FUT8: variants seen among roughly 807,000 people sequenced by gnomAD.
FUT8 encodes the protein alpha-(1,6)-fucosyltransferase.
In FUT8, 29 loss-of-function variants were observed where a neutral mutation model predicts 71.3. The ratio of observed to expected loss-of-function variants is 0.41; its 90% CI spans 0.30 to 0.55. The LOEUF (loss-of-function observed/expected upper bound fraction) is 0.55, where lower values mean the gene tolerates loss of function less well. Ranked by LOEUF, FUT8 falls within the 20% of genes least tolerant of loss-of-function variation. FUT8 has a pLI of 0.34. For synonymous variants in FUT8, 254 were observed against 239.3 expected, an observed-to-expected ratio of 1.06 and a Z score of -0.57; for missense variants, 544 against 702.1, an observed-to-expected ratio of 0.77 and a Z score of 2.55.
intron 1 of FUT8, among the ~76,000 whole-genome samples, chr14:65,416,700 C>T (rs541600560): frequency 9.9e-5 from 15 of 151,348 alleles, no homozygotes; most frequent in African/African-American, 3.6e-4. Flanking sequence ...TTTAAAGAAC[C>T]TGTAAAAAAA....
intron 7 of FUT8, among the ~76,000 whole-genome samples, chr14:65,685,530 A>T (rs747535852): frequency 2.0e-5 from 3 of 152,224 alleles, no homozygotes; most frequent in Non-Finnish European, 4.4e-5. Context: ...AATTTGGGGC[A>T]AGTCCATAGA....
In FUT8 at chr14:65,661,596, C is replaced by G. The variant is rs1339758096; in HGVS notation, c.598-7647C>G. On this transcript the variant is annotated intron_variant, in intron 6 of 10. Transcript: ENST00000673929. ...CTGGAAAATTTGTACTCTGAAGTTG[C>G]TTTTATTGGTGTGTAGGAAAAATCT... Among the ~76,000 whole-genome samples, 5 of 152,000 alleles carry G rather than the reference C, an allele frequency of 3.3e-5. No individual in the cohort carries two copies. In the South Asian group the frequency reaches 6.2e-4, roughly 19 times the overall value.
At chr14:65,523,448 A>G (rs571777792) in intron 2 of FUT8, among the ~76,000 whole-genome samples, 81 of 151,942 alleles carry the variant, frequency 5.3e-4, no homozygotes, top group African/African-American at 1.7e-3. Context: ...AAATTTGTTT[A>G]AGTTCTTTGT....
chr14:65,396,040 A>G, the FUT8 span, among the ~76,000 whole-genome samples: 9 of 152,354 alleles, frequency 5.9e-5, no homozygotes, highest in African/African-American at 2.2e-4. The surrounding 1 kb of genome is among the most constrained non-coding windows in gnomAD (Gnocchi z 5.5). Context: ...AGCAAGAGTC[A>G]TCTTTACTTC....
At chr14:65,593,102 T>C (rs897551042) in intron 3 of FUT8, among the ~76,000 whole-genome samples, 7 of 152,204 alleles carry the variant, frequency 4.6e-5, no homozygotes, top group African/African-American at 1.7e-4. Context: ...ATGATGTTTA[T>C]AATCCCCAAC....
intron 7 of FUT8, among the ~76,000 whole-genome samples, chr14:65,712,974 C>A (rs936425281): frequency 3.3e-5 from 5 of 152,126 alleles, no homozygotes; most frequent in African/African-American, 1.2e-4. Flanking sequence ...ACTGTAGTCA[C>A]CCTGCTGTGC....
chr14:65,698,342 A>G (rs1351181391), intron 7 of FUT8, among the ~76,000 whole-genome samples: 1 of 152,228 alleles, frequency 6.6e-6, no homozygotes, highest in African/African-American at 2.4e-5. Context: ...AGTGTACAGT[A>G]AAATAATAAA....
the FUT8 span, among the ~76,000 whole-genome samples, chr14:65,374,088 G>T: frequency 1.1e-4 from 16 of 152,292 alleles, no homozygotes; most frequent in South Asian, 3.1e-3. Flanking sequence ...TCTCAGACTC[G>T]TTGATCTGTT....
the FUT8 span, among the ~76,000 whole-genome samples, chr14:65,399,707 TTAAAA>T: frequency 6.6e-6 from 1 of 152,332 alleles, no homozygotes; most frequent in African/African-American, 2.4e-5. Flanking sequence ...TTCTTCATCT[TTAAAA>T]TAAGGCCAAG....
chr14:65,406,606 G>A (rs1309370036), upstream of FUT8, among the ~76,000 whole-genome samples: 1 of 152,116 alleles, frequency 6.6e-6, no homozygotes, highest in Non-Finnish European at 1.5e-5. Flanking sequence ...CATAATCTCG[G>A]CTCACTGCAA....
At chr14:65,528,059 A>C (rs184473964) in intron 2 of FUT8, among the ~76,000 whole-genome samples, 1 of 152,332 alleles carries the variant, frequency 6.6e-6, no homozygotes, top group African/African-American at 2.4e-5. Context: ...TGGGAGAACC[A>C]CTACTCTCTT....
rs199534978 is a variant in FUT8 at position 65,609,310 on chromosome 14, AT to A, written c.204-6663del. On this transcript the variant is annotated intron_variant, in intron 3 of 10. Transcript: ENST00000673929. Reference sequence around the variant, plus strand: ...ACTCTGTCTCAAAAAAAAAAAAAAAATTTTTCCTCTAGTCTGTGGGTTATCT... The same window carrying A: ...ACTCTGTCTCAAAAAAAAAAAAAAAATTTTCCTCTAGTCTGTGGGTTATCT... 6.2e-4 allele frequency among the ~76,000 whole-genome samples: 93 copies of A among 149,584 alleles called. 1 individual carries two copies. The highest frequency in any genetic ancestry group is 3.4e-3 in the Middle Eastern group (1 of 290).
At chr14:65,380,554 C>T in the FUT8 span, among the ~76,000 whole-genome samples, 5 of 152,196 alleles carry the variant, frequency 3.3e-5, no homozygotes, top group Non-Finnish European at 7.3e-5. Context: ...GTTCAATATT[C>T]ACGCTGTGGA....
intron 3 of FUT8, among the ~76,000 whole-genome samples, chr14:65,608,063 C>CAAAA (rs35942953): frequency 2.8e-5 from 3 of 108,588 alleles, no homozygotes; most frequent in East Asian, 2.5e-4. Flanking sequence ...GACTCCGTCT[C>CAAAA]AAAAAAAAAA....
intron 1 of FUT8, among the ~76,000 whole-genome samples, chr14:65,454,752 C>T (rs1336025757): frequency 6.6e-6 from 1 of 152,166 alleles, no homozygotes; most frequent in Non-Finnish European, 1.5e-5. Context: ...GGTTTTTGTA[C>T]TTGGTGACTT....
chr14:65,555,888 A>G lies in FUT8; in HGVS notation c.-227-5449A>G, dbSNP rs545891031. ...TACCTCTGGTATTAGTATAAAACCA[A>G]TAATTGTAATTGTATCTGTTAAATC... is the stretch of plus-strand genomic sequence containing the variant. On this transcript the variant is annotated intron_variant, in intron 2 of 10. Transcript: ENST00000673929. Among the ~76,000 whole-genome samples the G allele has an allele frequency of 3.5e-3, 531 of 152,332 alleles. 2 individuals are homozygous for G. Among genetic ancestry groups the G allele is most frequent in the African/African-American group, 0.012 (504 of 41,578 alleles).
rs118098377 is a variant in FUT8, at chr14:65,612,231, C to A, written c.204-3747C>A. 3.3e-3 allele frequency among the ~76,000 whole-genome samples: 495 copies of A among 152,076 alleles called. 3 individuals are homozygous for A. In the East Asian group the frequency reaches 0.036, roughly 11 times the overall value. On this transcript the variant is annotated intron_variant, in intron 3 of 10. Transcript: ENST00000673929. The stretch of plus-strand genomic sequence containing the variant: ...TTTACAAATATTCTTAAATTTTGTT[C>A]TGGGATGTAGTTATGTTATTTTAAA...
the FUT8 span, among the ~76,000 whole-genome samples, chr14:65,386,344 C>A: frequency 6.8e-6 from 1 of 147,908 alleles, no homozygotes; most frequent in Non-Finnish European, 1.5e-5. Flanking sequence ...AACTCTGTTT[C>A]TGCAAAAAAA....
chr14:65,676,803 CAT>C lies in FUT8; in HGVS notation c.835+7324_835+7325del, dbSNP rs1239941950. ...ATAACAGAGTCTTGTTTGCTTAAAACATGTGGATCACGTTAGAGTGATTCTAC... is the reference window on the plus strand; with the variant it reads ...ATAACAGAGTCTTGTTTGCTTAAAACGTGGATCACGTTAGAGTGATTCTAC... On this transcript the variant is annotated intron_variant, in intron 7 of 10. Coordinates refer to ENST00000673929, the MANE Select transcript of FUT8 (RefSeq NM_001371533.1). 3.9e-5 allele frequency among the ~76,000 whole-genome samples: 6 copies of C among 152,268 alleles called. No individual in the cohort carries two copies. The South Asian group carries it at 8.3e-4, about 21-fold the overall frequency.
Sources: allele counts gnomAD v4.1 joint callset (sites outside exome capture counted in the v4.1 genomes callset), GRCh38; gene constraint gnomAD v4.1.1; non-coding constraint Gnocchi (gnomAD v3.1); transcripts MANE v1.5; gene names NCBI Gene and HGNC (gene_info 2026-07-23, HGNC 2026-07-21).